The following CACNA2D3 variants were observed in gnomAD, a reference collection of about 807,000 sequenced individuals.
The protein encoded by CACNA2D3 is voltage-dependent calcium channel subunit alpha-2/delta-3.
Under a neutral mutation model 160.6 loss-of-function variants are expected in CACNA2D3, and 60 were observed. That is an observed-to-expected ratio of 0.37 (90% CI 0.30 to 0.46). The LOEUF (loss-of-function observed/expected upper bound fraction) is 0.46, where lower values mean the gene tolerates loss of function less well. CACNA2D3 is among the 20% of genes least tolerant of loss of function. The pLI is 1.00. For synonymous variants in CACNA2D3, 558 were observed against 492.9 expected (o/e 1.13, Z -1.75); for missense variants, 1,205 against 1,365.0 (o/e 0.88, Z 1.85).
intron 28 of CACNA2D3, among the ~76,000 whole-genome samples, chr3:54,969,579 A>G (rs1702227521): frequency 6.6e-6 from 1 of 152,134 alleles, no homozygotes; most frequent in South Asian, 2.1e-4. Context: ...CAGTTGTTTC[A>G]TAGATCTTTT....
chr3:54,306,152 A>G (rs573839650), intron 2 of CACNA2D3, among the ~76,000 whole-genome samples: 48 of 152,294 alleles, frequency 3.2e-4, no homozygotes, highest in Middle Eastern at 6.8e-3. Context: ...TGGATACCAG[A>G]GTACCTGTGG....
intron 4 of CACNA2D3, among the ~76,000 whole-genome samples, chr3:54,469,638 A>T (rs895131098): frequency 6.6e-6 from 1 of 152,126 alleles, no homozygotes; most frequent in African/African-American, 2.4e-5. Context: ...CCTCTGAGCT[A>T]AAGGAGCATG....
At chr3:54,737,310 A>G (rs1701554480) in intron 11 of CACNA2D3, among the ~76,000 whole-genome samples, 1 of 152,042 alleles carries the variant, frequency 6.6e-6, no homozygotes, top group South Asian at 2.1e-4. Context: ...CAAGGCAGAG[A>G]CTAAAAAGGG....
At chr3:55,026,663 A>G (rs1314898423) in intron 35 of CACNA2D3, among the ~76,000 whole-genome samples, 1 of 152,202 alleles carries the variant, frequency 6.6e-6, no homozygotes, top group African/African-American at 2.4e-5. Context: ...GGTTTGGTCA[A>G]CACATTGTTA....
chr3:54,581,695 C>T, intron 8 of CACNA2D3, 108 bp from the exon 9 acceptor site: 1 of 798,618 alleles, frequency 1.3e-6, no homozygotes, highest in South Asian at 1.5e-5. Flanking sequence ...ATAAATGGAG[C>T]CTGTGATTGT....
intron 3 of CACNA2D3, among the ~76,000 whole-genome samples, chr3:54,338,163 A>G (rs552322116): frequency 1.3e-3 from 205 of 152,348 alleles, no homozygotes; most frequent in East Asian, 2.3e-3. Flanking sequence ...TATGGAGGTT[A>G]AATTACAGCA....
At chr3:54,139,973 C>T (rs776515774) in intron 2 of CACNA2D3, among the ~76,000 whole-genome samples, 16 of 152,190 alleles carry the variant, frequency 1.1e-4, no homozygotes, top group Non-Finnish European at 1.8e-4. Context: ...GCCGTGGGTT[C>T]GAATCCTGGC....
intron 12 of CACNA2D3, among the ~76,000 whole-genome samples, chr3:54,759,748 A>G (rs1295705304): frequency 1.3e-5 from 2 of 152,180 alleles, no homozygotes; most frequent in Non-Finnish European, 2.9e-5. Context: ...CCCCAGCTAC[A>G]ATACGCAAAT....
At chr3:54,306,693 C>T (rs563683324) in intron 2 of CACNA2D3, among the ~76,000 whole-genome samples, 3 of 152,318 alleles carry the variant, frequency 2.0e-5, no homozygotes, top group African/African-American at 7.2e-5. Context: ...CTCATCCTCA[C>T]ACCTCACGAG....
intron 2 of CACNA2D3, among the ~76,000 whole-genome samples, chr3:54,180,887 T>A (rs182644397): frequency 6.8e-4 from 103 of 152,278 alleles, no homozygotes; most frequent in African/African-American, 2.4e-3. Context: ...GCTCTCTATA[T>A]CCAGTAGGGG....
intron 18 of CACNA2D3, chr3:54,874,898 C>T (rs1350784521): frequency 1.3e-5 from 2 of 152,224 alleles, no homozygotes; most frequent in Admixed American, 1.3e-4. Context: ...GTGCCTTGCA[C>T]ATAGTAGCTG....
At chr3:54,957,793 C>T (rs1575406699) in intron 27 of CACNA2D3, among the ~76,000 whole-genome samples, 1 of 152,174 alleles carries the variant, frequency 6.6e-6, no homozygotes, top group Non-Finnish European at 1.5e-5. Flanking sequence ...AGGATGAGCA[C>T]GCATGACCCC....
chr3:54,430,991 G>A (rs1699981323), intron 4 of CACNA2D3, among the ~76,000 whole-genome samples: 1 of 152,036 alleles, frequency 6.6e-6, no homozygotes, highest in South Asian at 2.1e-4. Flanking sequence ...GTTATATGTA[G>A]TATATACCAT....
In CACNA2D3 at chr3:54,152,829, A is replaced by G. The variant is rs548104817; in HGVS notation, c.204+29235A>G. ...AAAAAACTCTGTGGCTGTGTGACTC[A>G]GGGCTTATTTTTCATGAGAAGATTG... On this transcript the variant is annotated intron_variant, in intron 2 of 37. Transcript: ENST00000474759. Among the ~76,000 whole-genome samples the G allele has an allele frequency of 1.4e-3, 216 of 152,298 alleles. 2 individuals carry two copies. Among genetic ancestry groups the G allele is most frequent in the African/African-American group, 4.9e-3 (204 of 41,570 alleles).
intron 3 of CACNA2D3, among the ~76,000 whole-genome samples, chr3:54,333,870 T>C (rs543153198): frequency 6.6e-6 from 1 of 152,346 alleles, no homozygotes; most frequent in East Asian, 1.9e-4. Flanking sequence ...TTCTCCAAGC[T>C]TGTGTCCCAT....
chr3:54,197,559 T>G (rs1356023940), intron 2 of CACNA2D3: 1 of 152,258 alleles, frequency 6.6e-6, no homozygotes, highest in Non-Finnish European at 1.5e-5. Flanking sequence ...GGTTTGGTAC[T>G]GATCTCTTGA....
intron 11 of CACNA2D3, among the ~76,000 whole-genome samples, chr3:54,676,403 C>T (rs1464693708): frequency 6.6e-6 from 1 of 152,088 alleles, no homozygotes; most frequent in Non-Finnish European, 1.5e-5. Context: ...TCCTGGGTCT[C>T]GGTAAGACCT....
At chr3:54,447,046 A>C (rs764309243) in intron 4 of CACNA2D3, among the ~76,000 whole-genome samples, 31 of 152,332 alleles carry the variant, frequency 2.0e-4, no homozygotes, top group Non-Finnish European at 3.5e-4. Flanking sequence ...TTTTCAGCCA[A>C]CAAAACTGTC....
chr3:54,225,372 G>A (rs1701652804), intron 2 of CACNA2D3, among the ~76,000 whole-genome samples: 1 of 152,154 alleles, frequency 6.6e-6, no homozygotes, highest in African/African-American at 2.4e-5. Flanking sequence ...CTTAACCACT[G>A]TGTTTTTAAA....
Sources: gnomAD v4.1 joint callset for allele counts (sites outside exome capture counted in the v4.1 genomes callset) on GRCh38, gnomAD v4.1.1 for gene constraint, MANE v1.5 for transcripts, NCBI Gene and HGNC (gene_info 2026-07-23, HGNC 2026-07-21) for gene names.